The following KIF26A variants were observed in gnomAD, a reference collection of about 807,000 sequenced individuals.
KIF26A encodes kinesin family member 26A.
Under a neutral mutation model 126.0 loss-of-function variants are expected in KIF26A, and 74 were observed. That is an observed-to-expected ratio of 0.59 (90% CI 0.49 to 0.71). The LOEUF (loss-of-function observed/expected upper bound fraction) is 0.71. Ranked by LOEUF, KIF26A falls within the 30% of genes least tolerant of loss-of-function variation. The pLI is 0.00. For synonymous variants in KIF26A, 1,445 were observed against 1,232.7 expected (o/e 1.17, Z -3.61); for missense variants, 2,984 against 2,763.3 (o/e 1.08, Z -1.79).
rs758743695 is a variant in KIF26A, at chr14:104,176,917, C to G, written c.4129C>G (p.Pro1377Ala). 3.3e-6 allele frequency: 5 copies of G among 1,537,536 alleles called. No homozygotes were observed. In the South Asian group the frequency reaches 6.0e-5, roughly 18 times the overall value. ...GTCCAGCCTGGAGCAGAGGAGCAGCCCGGCCTCGGCCCCTCCGCATGCTGT... is the reference window on the plus strand; with the variant it reads ...GTCCAGCCTGGAGCAGAGGAGCAGCGCGGCCTCGGCCCCTCCGCATGCTGT... Reference protein sequence around the residue: ...RKSSLEQRSSPASAPPHAVNP... With the variant: ...RKSSLEQRSSAASAPPHAVNP... Residue 1377 changes from proline to alanine, a missense_variant, in exon 12 of 15, where the codon CCG (proline) becomes GCG (alanine). Physicochemically the swap from Pro to Ala is conservative, Grantham distance 27 (BLOSUM62 -1). Coordinates refer to ENST00000423312, the MANE Select transcript of KIF26A (RefSeq NM_015656.2).
At chr14:104,166,270 C>T (rs2037901107) in intron 4 of KIF26A, among the ~76,000 whole-genome samples, 1 of 152,074 alleles carries the variant, frequency 6.6e-6, no homozygotes, top group Non-Finnish European at 1.5e-5. Context: ...GGGCCTGGGG[C>T]TTGGGGTGTG....
chr14:104,139,329 C>A, intron 2 of KIF26A, 41 bp downstream of exon 2: 1 of 1,392,046 alleles, frequency 7.2e-7, no homozygotes, highest in South Asian at 1.7e-5. Context: ...CGAGCAGGGC[C>A]ACGCCGAACT....
In KIF26A at chr14:104,173,473, C is replaced by A; in HGVS notation, c.1827C>A (p.His609Gln). 4 of 1,585,858 alleles carry A rather than the reference C, an allele frequency of 2.5e-6. No individual in the cohort carries two copies. The highest frequency in any genetic ancestry group is 3.5e-5 in the Admixed American group (2 of 57,648). The stretch of plus-strand genomic sequence containing the variant: ...GCTCCCACATGTTGTTCACGCTGCA[C>A]GTCTACCAGTACCGCATGGAGAAGT... ...RRSSHMLFTL[H>Q]VYQYRMEKCG... Residue 609 changes from histidine to glutamine, a missense_variant, in exon 9 of 15, where the codon CAC becomes CAA. By Grantham distance (24) the His-to-Gln change is conservative. Coordinates refer to ENST00000423312, the MANE Select transcript of KIF26A (RefSeq NM_015656.2).
chr14:104,179,769 G>A lies in KIF26A; in HGVS notation c.5628G>A (p.Gly1876=), dbSNP rs545757125. 1.2e-5 allele frequency: 19 copies of A among 1,543,962 alleles called. No individual in the cohort carries two copies. Among genetic ancestry groups the A allele is most frequent in the East Asian group, 7.2e-5 (3 of 41,680 alleles). Residue 1876 remains glycine, a synonymous_variant, in exon 15 of 15, where the codon GGG becomes GGA. Coordinates refer to ENST00000423312, the MANE Select transcript of KIF26A (RefSeq NM_015656.2). ...TTGCAGCCAGTGCTGCCATCCCGGG[G>A]CCGCAGGAGGTGGACGTCTGAGGCT... ...ISVAASAAIP[G]PQEVDV is the part of the protein sequence containing the mutation.
rs1336151601 is a variant in KIF26A, at chr14:104,138,615, G to C, written c.-108G>C. 2 of 899,324 alleles carry C rather than the reference G, an allele frequency of 2.2e-6. No homozygotes were observed. The highest frequency in any genetic ancestry group is 2.9e-6 in the Non-Finnish European group (2 of 699,350). 55.7% of individuals were successfully genotyped at this position (899,324 alleles called of 1,614,324 possible). Reference sequence around the variant, plus strand: ...CGCAGGCTCTGCGAACTTCCGAGCGGCTGGGCCGGGCCATGGGGGCGCCTC... The same window carrying C: ...CGCAGGCTCTGCGAACTTCCGAGCGCCTGGGCCGGGCCATGGGGGCGCCTC... On this transcript the variant is annotated 5_prime_UTR_variant, in exon 1 of 15. Coordinates refer to ENST00000423312, the MANE Select transcript of KIF26A (RefSeq NM_015656.2).
rs2037744449 is a variant in KIF26A, at chr14:104,152,943, G to A, written c.735+482G>A. Among the ~76,000 whole-genome samples the A allele has an allele frequency of 6.6e-6, 1 of 152,142 alleles. No homozygotes were observed. Among genetic ancestry groups the A allele is most frequent in the South Asian group, 2.1e-4 (1 of 4,830 alleles). ...GTTGCCTGCCCCTGTGGCACCCTGGGGGCAGAGGGACATGTGGGTGGCTGT... is the reference window on the plus strand; with the variant it reads ...GTTGCCTGCCCCTGTGGCACCCTGGAGGCAGAGGGACATGTGGGTGGCTGT... On this transcript the variant is annotated intron_variant, in intron 3 of 14. Coordinates refer to ENST00000423312, the MANE Select transcript of KIF26A (RefSeq NM_015656.2). The surrounding 1 kb of genome is among the most constrained non-coding windows in gnomAD (Gnocchi z 5.9).
intron 2 of KIF26A, 105 bp downstream of exon 2, chr14:104,139,393 T>G: frequency 7.8e-7 from 1 of 1,287,082 alleles, no homozygotes; most frequent in Non-Finnish European, 1.0e-6. Flanking sequence ...TCCCTGCTGC[T>G]GTTTCCACAA....
At chr14:104,162,623 C>T (rs767712320) in intron 4 of KIF26A, among the ~76,000 whole-genome samples, 14 of 152,202 alleles carry the variant, frequency 9.2e-5, no homozygotes, top group Non-Finnish European at 1.2e-4. Flanking sequence ...CCCTATTGCC[C>T]ACAGCCTTGG....
chr14:104,173,247 T>A lies in KIF26A; in HGVS notation c.1683+8T>A. 1 of 1,604,956 alleles carries A rather than the reference T, an allele frequency of 6.2e-7. No individual in the cohort carries two copies. The highest frequency in any genetic ancestry group is 8.5e-7 in the Non-Finnish European group (1 of 1,174,206). Reference sequence around the variant, plus strand: ...CCCGTGTGTGGGGCGCAGGTGCGCCTGCCTACTGTCCCACCTTGGGGGAGG... The same window carrying A: ...CCCGTGTGTGGGGCGCAGGTGCGCCAGCCTACTGTCCCACCTTGGGGGAGG... On this transcript the variant is annotated splice_region_variant and intron_variant, in intron 8 of 14. Transcript: ENST00000423312.
chr14:104,174,995 C>T lies in KIF26A; in HGVS notation c.2207C>T (p.Ser736Phe), dbSNP rs1287581659. 1.9e-6 allele frequency: 3 copies of T among 1,547,150 alleles called. No homozygotes were observed. The highest frequency in any genetic ancestry group is 2.4e-5 in the East Asian group (1 of 41,690). The change falls in exon 12 of 15, where the codon TCC (serine) becomes TTC (phenylalanine). Residue 736 changes from serine to phenylalanine, a missense_variant. By Grantham distance (155) the Ser-to-Phe change is radical. Coordinates refer to ENST00000423312, the MANE Select transcript of KIF26A (RefSeq NM_015656.2). ...TTCTTCCCCCAGTACGCCTCCAGCT[C>T]CTCTGGCGGGGAGAGCTCCTGTGAG... ...RRKKAKYASS[S>F]SGGESSCEEG...
intron 2 of KIF26A, among the ~76,000 whole-genome samples, chr14:104,141,568 C>T (rs1003995641): frequency 2.7e-5 from 4 of 147,748 alleles, no homozygotes; most frequent in Non-Finnish European, 1.5e-5. Flanking sequence ...CTGCCTGTCT[C>T]CGTTGTAGAG....
intron 4 of KIF26A, among the ~76,000 whole-genome samples, chr14:104,162,995 C>T (rs1198259036): frequency 6.6e-6 from 1 of 152,238 alleles, no homozygotes; most frequent in Non-Finnish European, 1.5e-5. Flanking sequence ...TAGCCCTGTC[C>T]CAGTCCTGCC....
chr14:104,139,373 T>C (rs1376347979), intron 2 of KIF26A, 85 bp downstream of exon 2: 4 of 1,327,832 alleles, frequency 3.0e-6, no homozygotes, highest in Non-Finnish European at 3.9e-6. Flanking sequence ...GGAAGCAGGG[T>C]TCCACTCCTT....
At chr14:104,144,822 C>T (rs900319757) in intron 2 of KIF26A, among the ~76,000 whole-genome samples, 3 of 152,236 alleles carry the variant, frequency 2.0e-5, no homozygotes, top group East Asian at 1.9e-4. Flanking sequence ...ACAGTGTGGG[C>T]TATGAGTAAA....
intron 5 of KIF26A, among the ~76,000 whole-genome samples, chr14:104,170,596 C>T (rs543331991): frequency 1.3e-5 from 2 of 152,358 alleles, no homozygotes; most frequent in Non-Finnish European, 2.9e-5. Context: ...GAGATTTCAG[C>T]GCAGAGTGGA....
chr14:104,144,921 TG>T (rs1249474471), intron 2 of KIF26A, among the ~76,000 whole-genome samples: 4 of 152,182 alleles, frequency 2.6e-5, no homozygotes, highest in Non-Finnish European at 5.9e-5. Context: ...CTTGTGCTGT[TG>T]GGGGGAGTGG....
At chr14:104,160,946 G>A (rs969068019) in intron 4 of KIF26A, among the ~76,000 whole-genome samples, 2 of 152,320 alleles carry the variant, frequency 1.3e-5, no homozygotes, top group African/African-American at 2.4e-5. Flanking sequence ...CCTCAGCAGA[G>A]CCCCCGTGTC....
At chr14:104,144,259 G>A (rs971516790) in intron 2 of KIF26A, among the ~76,000 whole-genome samples, 7 of 152,182 alleles carry the variant, frequency 4.6e-5, no homozygotes, top group African/African-American at 1.7e-4. Context: ...CTGAACACCA[G>A]CCAGAAGCAG....
In KIF26A at chr14:104,152,386, C is replaced by T. The variant is rs759315279; in HGVS notation, c.660C>T (p.Thr220=). 4.4e-6 allele frequency: 7 copies of T among 1,596,882 alleles called. No individual in the cohort carries two copies. The highest frequency in any genetic ancestry group is 6.0e-6 in the Non-Finnish European group (7 of 1,173,308). The change falls in exon 3 of 15, where the codon ACC becomes ACT. Residue 220 remains threonine, a synonymous_variant. Transcript: ENST00000423312. The surrounding 1 kb of genome is among the most constrained non-coding windows in gnomAD (Gnocchi z 5.9). ...AGLGGALSTV[T]IQAQQCLEGM... ...TTGGAGGGGCGCTGAGCACGGTCACCATCCAGGCCCAGCAGTGCCTGGAGG... is the reference window on the plus strand; with the variant it reads ...TTGGAGGGGCGCTGAGCACGGTCACTATCCAGGCCCAGCAGTGCCTGGAGG...
Sources: gnomAD v4.1 joint callset for allele counts (sites outside exome capture counted in the v4.1 genomes callset) on GRCh38, gnomAD v4.1.1 for gene constraint, Gnocchi (gnomAD v3.1) non-coding constraint, MANE v1.5 for transcripts, NCBI Gene and HGNC (gene_info 2026-07-23, HGNC 2026-07-21) for gene names.